PCDH15: variants seen among roughly 807,000 people sequenced by gnomAD.
PCDH15 encodes the protein protocadherin-15.
A neutral mutation model predicts 178.5 loss-of-function variants in PCDH15; 129 were observed. That is an observed-to-expected ratio of 0.72 (90% confidence interval 0.63 to 0.84). The LOEUF (loss-of-function observed/expected upper bound fraction) is 0.84, where lower values mean the gene tolerates loss of function less well. Among genes scored for constraint, PCDH15 ranks in the 40% least tolerant of loss-of-function variants. The pLI, the probability that PCDH15 is intolerant of heterozygous loss-of-function variation, is 0.00. For missense variants in PCDH15, 2,230 were observed against 2,099.9 expected, an observed-to-expected ratio of 1.06 and a Z score of -1.21; for synonymous variants, 800 against 732.0, an observed-to-expected ratio of 1.09 and a Z score of -1.50.
At chr10:54,922,007 A>T (rs910184291) in intron 2 of PCDH15, among the ~76,000 whole-genome samples, 1 of 152,204 alleles carries the variant, frequency 6.6e-6, no homozygotes, top group African/African-American at 2.4e-5. Flanking sequence ...TCATGAGATG[A>T]GCAAGAAGAA....
intron 3 of PCDH15, among the ~76,000 whole-genome samples, chr10:54,463,193 T>C (rs1255886603): frequency 6.6e-6 from 1 of 152,128 alleles, no homozygotes; most frequent in East Asian, 1.9e-4. Context: ...CCAGTAAATA[T>C]TGATATAGGA....
intron 18 of PCDH15, among the ~76,000 whole-genome samples, chr10:54,065,547 C>A (rs2094120885): frequency 6.6e-6 from 1 of 152,200 alleles, no homozygotes; most frequent in Non-Finnish European, 1.5e-5. Context: ...AGTTGAATCG[C>A]TTGTTGGCCA....
intron 8 of PCDH15, among the ~76,000 whole-genome samples, chr10:54,306,423 T>C (rs1462936769): frequency 6.6e-6 from 1 of 151,954 alleles, no homozygotes; most frequent in Non-Finnish European, 1.5e-5. Context: ...AAGTTCAAAA[T>C]CTGTAGGACA....
intron 15 of PCDH15, among the ~76,000 whole-genome samples, chr10:54,101,827 T>C (rs111577346): frequency 6.6e-5 from 10 of 151,864 alleles, no homozygotes; most frequent in African/African-American, 2.2e-4. Context: ...ATAAGAAAAT[T>C]AGCTGTGTGT....
At chr10:54,843,335 G>T (rs1470862948) in intron 3 of PCDH15, among the ~76,000 whole-genome samples, 1 of 151,920 alleles carries the variant, frequency 6.6e-6, no homozygotes, top group Non-Finnish European at 1.5e-5. Context: ...TTAACAATCA[G>T]GCAAATCTAA....
At chr10:54,627,726 G>T (rs1010235445) in intron 2 of PCDH15, among the ~76,000 whole-genome samples, 2 of 152,180 alleles carry the variant, frequency 1.3e-5, no homozygotes, top group African/African-American at 4.8e-5. Flanking sequence ...ACATTTAAGT[G>T]GGCTGGGATT....
chr10:55,283,719 T>A (rs1842794340), intron 1 of PCDH15, among the ~76,000 whole-genome samples: 1 of 151,476 alleles, frequency 6.6e-6, no homozygotes. Flanking sequence ...AGAATATCAA[T>A]TTTCATATGG....
intron 1 of PCDH15, among the ~76,000 whole-genome samples, chr10:55,305,818 T>C (rs1433222928): frequency 6.6e-6 from 1 of 152,180 alleles, no homozygotes; most frequent in Middle Eastern, 3.2e-3. Context: ...CTTTGTGAAT[T>C]TTAAAGTGCT....
chr10:55,367,311 C>T (rs999247762), intron 2 of PCDH15, among the ~76,000 whole-genome samples: 2 of 152,056 alleles, frequency 1.3e-5, no homozygotes, highest in African/African-American at 2.4e-5. Context: ...CCAGATGCCT[C>T]GGCTCACACA....
chr10:54,112,935 CTT>C (rs1365044100), intron 15 of PCDH15, among the ~76,000 whole-genome samples: 1 of 152,124 alleles, frequency 6.6e-6, no homozygotes, highest in Admixed American at 6.5e-5. Flanking sequence ...TTTTCAGTCT[CTT>C]GAGAAAAGTT....
intron 16 of PCDH15, among the ~76,000 whole-genome samples, chr10:54,083,108 T>G (rs867101037): frequency 6.6e-6 from 1 of 152,010 alleles, no homozygotes; most frequent in Non-Finnish European, 1.5e-5. Flanking sequence ...ACAACCACCA[T>G]TACTAACAAC....
intron 26 of PCDH15, among the ~76,000 whole-genome samples, chr10:53,868,427 T>G (rs1021290597): frequency 6.6e-6 from 1 of 152,046 alleles, no homozygotes; most frequent in South Asian, 2.1e-4. Flanking sequence ...TTTACTTATA[T>G]AAATTAGTGA....
intron 26 of PCDH15, among the ~76,000 whole-genome samples, chr10:53,868,435 T>C (rs970164039): frequency 2.0e-5 from 3 of 152,108 alleles, no homozygotes; most frequent in African/African-American, 7.2e-5. Context: ...TATAAATTAG[T>C]GATATTCAAT....
intron 3 of PCDH15, among the ~76,000 whole-genome samples, chr10:54,509,753 G>GA (rs1457802954): frequency 2.0e-5 from 3 of 152,038 alleles, no homozygotes; most frequent in African/African-American, 7.2e-5. Flanking sequence ...TTGATCACTT[G>GA]AAAACTCAGT....
chr10:54,201,041 ACG>A (rs2050183181), intron 10 of PCDH15, among the ~76,000 whole-genome samples: 1 of 152,150 alleles, frequency 6.6e-6, no homozygotes, highest in Non-Finnish European at 1.5e-5. Flanking sequence ...ATTACCCTGC[ACG>A]AACCTCCTCC....
chr10:53,960,042 G>A (rs1408339696), intron 22 of PCDH15, among the ~76,000 whole-genome samples, 198 bp from the exon 23 acceptor site: 1 of 152,034 alleles, frequency 6.6e-6, no homozygotes, highest in African/African-American at 2.4e-5. Flanking sequence ...CAATAATCCA[G>A]CCAGATAAAT....
chr10:55,585,026 G>A (rs1842697520), intron 2 of PCDH15, among the ~76,000 whole-genome samples: 4 of 150,558 alleles, frequency 2.7e-5, no homozygotes, highest in African/African-American at 9.7e-5. Flanking sequence ...TCAGATAATG[G>A]AGAATTATAA....
At chr10:54,335,325 C>A (rs575088093) in intron 6 of PCDH15, among the ~76,000 whole-genome samples, 1 of 152,264 alleles carries the variant, frequency 6.6e-6, no homozygotes, top group Non-Finnish European at 1.5e-5. Context: ...ACAAAACCAA[C>A]AAAACCAGGT....
intron 26 of PCDH15, among the ~76,000 whole-genome samples, chr10:53,870,474 T>C (rs2079759529): frequency 6.6e-6 from 1 of 152,194 alleles, no homozygotes. Context: ...TTTGAATGAA[T>C]ATGATAGTCT....
Sources: allele counts gnomAD v4.1 joint callset (sites outside exome capture counted in the v4.1 genomes callset), GRCh38; gene constraint gnomAD v4.1.1; transcripts MANE v1.5; gene names NCBI Gene and HGNC (gene_info 2026-07-23, HGNC 2026-07-21).